Variants in CEP112 observed in about 807,000 individuals in gnomAD.
The protein encoded by CEP112 is centrosomal protein of 112 kDa.
CEP112 carries 127 observed loss-of-function variants against 153.0 expected under a neutral mutation model. The ratio of observed to expected loss-of-function variants is 0.83; its 90% CI spans 0.72 to 0.96. The LOEUF (loss-of-function observed/expected upper bound fraction) is 0.96, where lower values mean the gene tolerates loss of function less well. CEP112 is among the 40% of genes least tolerant of loss of function. CEP112 has a pLI of 0.00. For synonymous variants in CEP112, 358 were observed against 374.4 expected, an observed-to-expected ratio of 0.96 and a Z score of 0.51; for missense variants, 1,089 against 1,101.2, an observed-to-expected ratio of 0.99 and a Z score of 0.16.
intron 19 of CEP112, among the ~76,000 whole-genome samples, chr17:65,924,617 G>C (rs1053517601): frequency 7.9e-5 from 12 of 152,076 alleles, no homozygotes; most frequent in African/African-American, 2.9e-4. Context: ...CTCCTGTACT[G>C]GTGGCAACTC....
intron 21 of CEP112, among the ~76,000 whole-genome samples, chr17:65,811,511 C>G (rs1484767071): frequency 2.6e-5 from 4 of 151,936 alleles, no homozygotes; most frequent in Non-Finnish European, 5.9e-5. Flanking sequence ...CTAGTCATAC[C>G]CCTGAACAGG....
chr17:65,711,946 G>A (rs2049208724), intron 23 of CEP112, among the ~76,000 whole-genome samples: 1 of 152,140 alleles, frequency 6.6e-6, no homozygotes, highest in Non-Finnish European at 1.5e-5. Flanking sequence ...CATGCATTTT[G>A]GCAAAGTACA....
chr17:65,654,879 C>T (rs876843), intron 24 of CEP112: 214,662 of 495,340 alleles, frequency 0.43, 47,872 homozygotes, highest in Middle Eastern at 0.46. Context: ...GAGGTTGTCA[C>T]TGGGGTCGTA....
At position 65,737,660 on chromosome 17, in the gene CEP112, T is replaced by C. The variant is rs553393354; in HGVS notation, c.2607+5408A>G. On this transcript the variant is annotated intron_variant, in intron 23 of 26. Coordinates refer to ENST00000535342, the MANE Select transcript of CEP112 (RefSeq NM_001199165.4). ...GTTCAGCCAGATGCATGCTGGCTTG[T>C]GCGCCAGCTCTGCCTTCCCCTTCCC... Among the ~76,000 whole-genome samples, 3 of 152,336 alleles carry C rather than the reference T, an allele frequency of 2.0e-5. No homozygotes were observed. The South Asian group carries it at 6.2e-4, about 32-fold the overall frequency.
At chr17:65,817,293 T>G (rs913923905) in intron 21 of CEP112, among the ~76,000 whole-genome samples, 3 of 151,958 alleles carry the variant, frequency 2.0e-5, no homozygotes, top group African/African-American at 7.2e-5. Context: ...GGTGGTTAAT[T>G]AAACCATTTA....
At chr17:65,975,473 T>G (rs1248255238) in intron 17 of CEP112, among the ~76,000 whole-genome samples, 1 of 152,154 alleles carries the variant, frequency 6.6e-6, no homozygotes, top group Non-Finnish European at 1.5e-5. Context: ...CACACAGGGA[T>G]GTATATGTAT....
intron 20 of CEP112, among the ~76,000 whole-genome samples, chr17:65,861,987 T>C (rs2058325122): frequency 6.6e-6 from 1 of 152,176 alleles, no homozygotes; most frequent in Non-Finnish European, 1.5e-5. Flanking sequence ...CTTGATACAA[T>C]GGAATATTAT....
chr17:65,640,871 T>C, intron 25 of CEP112, 93 bp downstream of exon 25: 1 of 767,400 alleles, frequency 1.3e-6, no homozygotes, highest in South Asian at 1.5e-5. Flanking sequence ...ATCACATTGA[T>C]TTCTGGCAAC....
intron 23 of CEP112, 71 bp from the exon 24 acceptor site, chr17:65,689,289 T>G: frequency 8.8e-7 from 1 of 1,138,782 alleles, no homozygotes; most frequent in African/African-American, 1.5e-5. Flanking sequence ...CACCATGAAC[T>G]GGCACTAAAA....
intron 8 of CEP112, among the ~76,000 whole-genome samples, chr17:66,081,380 T>C (rs1449111660): frequency 6.6e-6 from 1 of 152,096 alleles, no homozygotes; most frequent in African/African-American, 2.4e-5. Context: ...TGATTACAAA[T>C]GGTCAGACAG....
rs575963243 is a variant in CEP112 at position 65,897,712 on chromosome 17, C to T, written c.2163+4440G>A. Among the ~76,000 whole-genome samples, 530 of 151,910 alleles carry T rather than the reference C, an allele frequency of 3.5e-3. 3 individuals are homozygous for T. Among genetic ancestry groups the T allele is most frequent in the African/African-American group, 0.012 (491 of 41,438 alleles). ...TTTGATTTGAGAATAATAATATTCT[C>T]AATAAATTAAAATGAAATTTTAGCA... On this transcript the variant is annotated intron_variant, in intron 20 of 26. Transcript: ENST00000535342.
At position 65,951,744 on chromosome 17, in the gene CEP112, C is replaced by CA. The variant is rs1568281830; in HGVS notation, c.1872+9718_1872+9719insT. ...AGCTTTCTGCTCTAATCTTCCCCCG[C>CA]CCCCCCCTTTCTTCCACTTGCTTAG... On this transcript the variant is annotated intron_variant, in intron 18 of 26. Coordinates refer to ENST00000535342, the MANE Select transcript of CEP112 (RefSeq NM_001199165.4). Among the ~76,000 whole-genome samples the CA allele has an allele frequency of 8.6e-5, 9 of 104,970 alleles. No homozygotes were observed. The East Asian group carries it at 5.2e-3, about 61-fold the overall frequency. The allele number at this position is 104,970 out of a possible 152,430, so 68.9% of individuals were successfully genotyped here.
intron 11 of CEP112, among the ~76,000 whole-genome samples, chr17:66,057,323 A>G (rs951989697): frequency 4.6e-5 from 7 of 152,214 alleles, no homozygotes; most frequent in African/African-American, 1.4e-4. Flanking sequence ...TGAAGCAAAA[A>G]GAAGAGTCTT....
intron 24 of CEP112, among the ~76,000 whole-genome samples, chr17:65,667,568 C>A (rs1255278315): frequency 6.6e-6 from 1 of 151,898 alleles, no homozygotes; most frequent in Admixed American, 6.6e-5. Context: ...TACACACACA[C>A]ACACACACAC....
chr17:65,785,287 T>A (rs2054221695), intron 21 of CEP112, among the ~76,000 whole-genome samples: 1 of 152,248 alleles, frequency 6.6e-6, no homozygotes, highest in South Asian at 2.1e-4. Context: ...AACATTCTTG[T>A]ACAAGTTTCT....
At chr17:66,111,666 A>G (rs530580425) in intron 6 of CEP112, among the ~76,000 whole-genome samples, 2 of 152,240 alleles carry the variant, frequency 1.3e-5, no homozygotes, top group South Asian at 4.1e-4. Flanking sequence ...ACAAGAACAT[A>G]AGAACACTGA....
intron 21 of CEP112, among the ~76,000 whole-genome samples, chr17:65,827,844 C>A (rs148042788): frequency 6.6e-6 from 1 of 152,152 alleles, no homozygotes; most frequent in Non-Finnish European, 1.5e-5. Flanking sequence ...TTTCTTCCTC[C>A]GAATATCAAC....
Position 65,820,619 on chromosome 17 carries a change from G to A in CEP112, c.2394+31185C>T, listed in dbSNP as rs142650321. ...AAATACAGGACTGAATGGGCCATTC[G>A]CTATAATCTAAGTATGGCAATTCTG... On this transcript the variant is annotated intron_variant, in intron 21 of 26. Transcript: ENST00000535342. Among the ~76,000 whole-genome samples the A allele has an allele frequency of 2.7e-3, 417 of 152,082 alleles. 2 individuals are homozygous for A. The highest frequency in any genetic ancestry group is 9.3e-3 in the African/African-American group (387 of 41,518).
intron 21 of CEP112, among the ~76,000 whole-genome samples, chr17:65,763,189 T>A (rs2052721003): frequency 6.6e-6 from 1 of 152,076 alleles, no homozygotes; most frequent in Admixed American, 6.6e-5. Flanking sequence ...CTCTCCTTTT[T>A]ATACGTAAGG....
Sources: allele counts gnomAD v4.1 joint callset (sites outside exome capture counted in the v4.1 genomes callset), GRCh38; gene constraint gnomAD v4.1.1; transcripts MANE v1.5; gene names NCBI Gene and HGNC (gene_info 2026-07-23, HGNC 2026-07-21).